PDE10A: variants seen among roughly 807,000 people sequenced by gnomAD.
PDE10A encodes the protein phosphodiesterase 10A.
A neutral mutation model predicts 97.7 loss-of-function variants in PDE10A; 39 were observed. The ratio of observed to expected loss-of-function variants is 0.40; its 90% CI spans 0.31 to 0.52. PDE10A has a LOEUF of 0.52. Ranked by LOEUF, PDE10A falls within the 20% of genes least tolerant of loss-of-function variation. PDE10A has a pLI of 0.56. For synonymous variants in PDE10A, 371 were observed against 376.8 expected (o/e 0.98, Z 0.18); for missense variants, 731 against 1,047.8 (o/e 0.70, Z 4.17).
intron 1 of PDE10A, chr6:165,545,309 C>G (rs1379078103): frequency 1.2e-5 from 5 of 432,204 alleles, no homozygotes; most frequent in Non-Finnish European, 2.2e-5. Flanking sequence ...TTCCCATCAC[C>G]TCAAGCTCCA....
At chr6:165,820,678 G>T (rs1779545789) in intron 1 of PDE10A, among the ~76,000 whole-genome samples, 1 of 152,178 alleles carries the variant, frequency 6.6e-6, no homozygotes, top group African/African-American at 2.4e-5. Context: ...TACCATGAAG[G>T]AAGCTGAAGG....
rs1789631980 is a variant in PDE10A, at chr6:165,432,307, A to G, written c.1491+667T>C. Among the ~76,000 whole-genome samples the G allele has an allele frequency of 2.6e-5, 4 of 152,254 alleles. No individual in the cohort carries two copies. In the South Asian group the frequency reaches 8.3e-4, roughly 31 times the overall value. ...CAGGGAGGGCCTTATAGAGAAGGCA[A>G]CATTTAAGGAAATTCTGAAGGATGT... is the stretch of plus-strand genomic sequence containing the variant. On this transcript the variant is annotated intron_variant, in intron 7 of 21. Coordinates refer to ENST00000539869, the MANE Select transcript of PDE10A (RefSeq NM_001385079.1).
intron 2 of PDE10A, among the ~76,000 whole-genome samples, chr6:165,494,562 A>T (rs2128290473): frequency 6.6e-6 from 1 of 150,502 alleles, no homozygotes; most frequent in South Asian, 2.1e-4. Flanking sequence ...AATAAAGAAG[A>T]AATCCAGAAT....
chr6:165,418,601 G>T lies in PDE10A; in HGVS notation c.1796+34C>A, dbSNP rs374186722. 4 of 1,600,126 alleles carry T rather than the reference G, an allele frequency of 2.5e-6. No homozygotes were observed. The highest frequency in any genetic ancestry group is 2.6e-6 in the Non-Finnish European group (3 of 1,174,150). On this transcript the variant is annotated intron_variant, in intron 11 of 21. Transcript: ENST00000539869. The surrounding 1 kb of genome is among the most constrained non-coding windows in gnomAD (Gnocchi z 4.8). ...GTAACGGAACGCCTGCACATCTACC[G>T]TAAGAGGATAGGACATTCTACTTCT...
intron 21 of PDE10A, among the ~76,000 whole-genome samples, chr6:165,334,778 T>C (rs1420782840): frequency 3.9e-5 from 6 of 152,170 alleles, no homozygotes; most frequent in Non-Finnish European, 2.9e-5. Flanking sequence ...CAAGGTGGGA[T>C]GCTACGTTTA....
chr6:165,363,937 C>T (rs1777757781), intron 18 of PDE10A, among the ~76,000 whole-genome samples: 1 of 152,118 alleles, frequency 6.6e-6, no homozygotes, highest in Admixed American at 6.5e-5. Context: ...GACGGCAATA[C>T]TTCCAAAATT....
chr6:165,393,793 G>A (rs987889074), intron 15 of PDE10A, among the ~76,000 whole-genome samples: 1 of 152,080 alleles, frequency 6.6e-6, no homozygotes, highest in Non-Finnish European at 1.5e-5. Flanking sequence ...ATTCCTAAAT[G>A]AGTAAAAAAG....
chr6:165,507,462 G>C (rs1781262623), intron 2 of PDE10A, among the ~76,000 whole-genome samples: 1 of 152,000 alleles, frequency 6.6e-6, no homozygotes, highest in South Asian at 2.1e-4. Context: ...CTCTTCATGA[G>C]ACTCCTACTA....
intron 1 of PDE10A, among the ~76,000 whole-genome samples, chr6:165,740,769 C>T (rs1284990518): frequency 1.2e-4 from 19 of 152,228 alleles, no homozygotes; most frequent in East Asian, 1.9e-4. Context: ...CTCACTTACA[C>T]GTAGAATCTT....
chr6:165,421,058 G>A (rs1788659003), intron 10 of PDE10A, among the ~76,000 whole-genome samples: 1 of 152,160 alleles, frequency 6.6e-6, no homozygotes, highest in South Asian at 2.1e-4. Flanking sequence ...ATTCTGAACT[G>A]TCCAGTAGCA....
chr6:165,573,398 A>G (rs1446549716), intron 1 of PDE10A, among the ~76,000 whole-genome samples: 2 of 152,114 alleles, frequency 1.3e-5, no homozygotes, highest in African/African-American at 4.8e-5. Context: ...ATAAATGCCA[A>G]TAAGTAATTG....
At chr6:165,582,509 C>A (rs1415443890) in intron 1 of PDE10A, among the ~76,000 whole-genome samples, 1 of 151,690 alleles carries the variant, frequency 6.6e-6, no homozygotes, top group Non-Finnish European at 1.5e-5. Context: ...TAAAATAAAT[C>A]TACCTATGTT....
chr6:165,632,994 G>A, intron 1 of PDE10A, among the ~76,000 whole-genome samples: 1 of 151,114 alleles, frequency 6.6e-6, no homozygotes, highest in East Asian at 2.0e-4. Flanking sequence ...GTATTTTTCA[G>A]CAACTCAATA....
chr6:165,394,228 C>G (rs13206337), intron 15 of PDE10A, among the ~76,000 whole-genome samples: 1 of 151,844 alleles, frequency 6.6e-6, no homozygotes, highest in Non-Finnish European at 1.5e-5. Context: ...GCCTCCCATC[C>G]CCCAACAGGC....
In PDE10A at chr6:165,475,693, G is replaced by A. The variant is rs1044991161; in HGVS notation, c.1023+6622C>T. ...ATGCTCATGTCTGCAACAGGGCCCT[G>A]TATTTAGAAACACATGGAATAGAAA... is the stretch of plus-strand genomic sequence containing the variant. On this transcript the variant is annotated intron_variant, in intron 3 of 21. Transcript: ENST00000539869. Among the ~76,000 whole-genome samples the A allele has an allele frequency of 3.3e-5, 5 of 152,316 alleles. 1 individual carries two copies. The highest frequency in any genetic ancestry group is 3.3e-4 in the Admixed American group (5 of 15,294).
At chr6:165,906,463 T>C (rs1035990733) in intron 1 of PDE10A, among the ~76,000 whole-genome samples, 1 of 152,168 alleles carries the variant, frequency 6.6e-6, no homozygotes, top group Non-Finnish European at 1.5e-5. Context: ...TGTAGAGCAC[T>C]GTTTTTCAAA....
At chr6:165,586,434 C>G (rs1485415990) in intron 1 of PDE10A, among the ~76,000 whole-genome samples, 5 of 152,066 alleles carry the variant, frequency 3.3e-5, no homozygotes, top group African/African-American at 1.2e-4. Flanking sequence ...AATATGAAAC[C>G]CATTACTCTT....
intron 3 of PDE10A, among the ~76,000 whole-genome samples, chr6:165,456,991 G>T (rs1278291784): frequency 6.6e-6 from 1 of 152,138 alleles, no homozygotes; most frequent in African/African-American, 2.4e-5. Context: ...AAGCAAAATT[G>T]TTATTTGGTT....
chr6:165,413,423 G>T (rs937888886), intron 13 of PDE10A, 78 bp downstream of exon 13: 14 of 790,854 alleles, frequency 1.8e-5, no homozygotes, highest in Non-Finnish European at 2.4e-5. Flanking sequence ...AAAAAAAAAA[G>T]CCCTTAAGCT....
Sources: gnomAD v4.1 joint callset for allele counts (sites outside exome capture counted in the v4.1 genomes callset) on GRCh38, gnomAD v4.1.1 for gene constraint, Gnocchi (gnomAD v3.1) non-coding constraint, MANE v1.5 for transcripts, NCBI Gene and HGNC (gene_info 2026-07-23, HGNC 2026-07-21) for gene names.